The following SLCO1B3 variants were observed in gnomAD, a reference collection of about 807,000 sequenced individuals.
SLCO1B3 encodes the protein solute carrier organic anion transporter family member 1B3, also known as liver-specific organic anion transporter 2.
Under a neutral mutation model 71.8 loss-of-function variants are expected in SLCO1B3, and 72 were observed. The ratio of observed to expected loss-of-function variants is 1.00; its 90% CI spans 0.83 to 1.22. SLCO1B3 has a LOEUF of 1.22. Ranked by LOEUF, SLCO1B3 falls within the 50% of genes most tolerant of loss-of-function variation. SLCO1B3 has a pLI of 0.00. For missense variants in SLCO1B3, 911 were observed against 819.7 expected (o/e 1.11, Z -1.36); for synonymous variants, 298 against 278.4 (o/e 1.07, Z -0.70).
chr12:20,857,298 C>T (rs371260970), intron 4 of SLCO1B3, among the ~76,000 whole-genome samples: 2 of 151,996 alleles, frequency 1.3e-5, no homozygotes, highest in Non-Finnish European at 2.9e-5. Context: ...TGAAAGCTTA[C>T]GTCTTCCTCT....
chr12:20,839,941 T>C (rs1311623412), intron 3 of SLCO1B3, among the ~76,000 whole-genome samples: 1 of 152,220 alleles, frequency 6.6e-6, no homozygotes, highest in East Asian at 1.9e-4. Context: ...CCAAGTATAC[T>C]AATATGCTTG....
rs374398073 is a variant in SLCO1B3, at chr12:20,822,592, C to A, written c.84+6770C>A. 1.1e-3 allele frequency among the ~76,000 whole-genome samples: 162 copies of A among 152,230 alleles called. 4 individuals are homozygous for A. The South Asian group carries it at 0.033, about 31-fold the overall frequency. On this transcript the variant is annotated intron_variant, in intron 3 of 15. Coordinates refer to ENST00000381545, the MANE Select transcript of SLCO1B3 (RefSeq NM_019844.4). ...GTGCAAGTCACAGGGGATGGGATGG[C>A]TTGGCTTGGGCTCAGAGACCTGACA...
At chr12:20,820,966 G>C (rs1358504928) in intron 3 of SLCO1B3, among the ~76,000 whole-genome samples, 3 of 152,178 alleles carry the variant, frequency 2.0e-5, no homozygotes. Context: ...AGCCGGATCA[G>C]GTGTGAGGAG....
At chr12:20,835,874 G>A (rs4346016) in intron 3 of SLCO1B3, among the ~76,000 whole-genome samples, 2,835 of 152,168 alleles carry the variant, frequency 0.019, 97 homozygotes, top group African/African-American at 0.065. Context: ...ATGCCCCTCA[G>A]TACCAATTTA....
chr12:20,890,317 A>C (rs1865879587), intron 13 of SLCO1B3, among the ~76,000 whole-genome samples: 1 of 152,184 alleles, frequency 6.6e-6, no homozygotes, highest in South Asian at 2.1e-4. Flanking sequence ...TGTAGTATTG[A>C]GAATTCTTCT....
At chr12:20,897,587 G>A (rs1591787730) in intron 13 of SLCO1B3, among the ~76,000 whole-genome samples, 1 of 152,102 alleles carries the variant, frequency 6.6e-6, no homozygotes, top group Non-Finnish European at 1.5e-5. Flanking sequence ...CTCTTAGTAG[G>A]TGCTTAGTGA....
intron 1 of SLCO1B3, among the ~76,000 whole-genome samples, chr12:20,813,278 A>G (rs540818615): frequency 2.0e-5 from 3 of 152,358 alleles, no homozygotes; most frequent in South Asian, 4.1e-4. Context: ...TGCATAAAAT[A>G]TGCAGTAGAT....
At chr12:20,834,167 C>CCATA (rs1555152350) in intron 3 of SLCO1B3, among the ~76,000 whole-genome samples, 5 of 144,312 alleles carry the variant, frequency 3.5e-5, no homozygotes, top group African/African-American at 1.0e-4. Flanking sequence ...ATATATCAAA[C>CCATA]TATGTATGTA....
chr12:20,904,238 T>A (rs1221380807), intron 15 of SLCO1B3, among the ~76,000 whole-genome samples: 1 of 143,234 alleles, frequency 7.0e-6, no homozygotes, highest in Admixed American at 7.0e-5. Context: ...AGACTCTGTC[T>A]AAAAAAAAAA....
chr12:20,870,854 T>C (rs190220061), intron 8 of SLCO1B3, among the ~76,000 whole-genome samples: 1 of 152,342 alleles, frequency 6.6e-6, no homozygotes, highest in African/African-American at 2.4e-5. Flanking sequence ...TGAGTAGGTA[T>C]GTTCCTTCTA....
Position 20,916,316 on chromosome 12 carries a change from C to T in SLCO1B3, c.*69C>T, listed in dbSNP as rs538738277. On this transcript the variant is annotated 3_prime_UTR_variant, in exon 16 of 16. Coordinates refer to ENST00000381545, the MANE Select transcript of SLCO1B3 (RefSeq NM_019844.4). ...GTCTTTCACTGACAATTCCAACATT[C>T]TTTACTTACAGTGGACCAATGGATA... The T allele has an allele frequency of 6.9e-7, 1 of 1,456,874 alleles. No homozygotes were observed. Among genetic ancestry groups the T allele is most frequent in the East Asian group, 2.3e-5 (1 of 43,948 alleles). 90.2% of individuals were successfully genotyped at this position (1,456,874 alleles called of 1,614,324 possible). A position where few individuals can be genotyped will look rare whatever the true frequency, so the allele number is the denominator to read the frequency against.
At chr12:20,869,313 C>G (rs1865434752) in intron 8 of SLCO1B3, among the ~76,000 whole-genome samples, 1 of 152,214 alleles carries the variant, frequency 6.6e-6, no homozygotes, top group African/African-American at 2.4e-5. Context: ...AAGGCTCGCA[C>G]TCTTGTCTTT....
In SLCO1B3 at chr12:20,861,100, TATC is replaced by T. The variant is rs776456205; in HGVS notation, c.446_448del (p.Ser149del). The T allele has an allele frequency of 6.0e-4, 966 of 1,601,826 alleles. 1 individual carries two copies. Among genetic ancestry groups the T allele is most frequent in the Non-Finnish European group, 7.7e-4 (899 of 1,173,718 alleles). On this transcript the variant is annotated inframe_deletion, in exon 6 of 16. Transcript: ENST00000381545. ...TCAACCTGTTTAATTAATCAAACCT[TATC>T]ATTCAATGGAACATCACCTGAGATA...
At chr12:20,839,094 T>A (rs1483435526) in intron 3 of SLCO1B3, among the ~76,000 whole-genome samples, 3 of 152,056 alleles carry the variant, frequency 2.0e-5, no homozygotes, top group African/African-American at 4.8e-5. Context: ...TTTTTATTCT[T>A]CTCTCCCGTT....
At chr12:20,832,665 A>G (rs1206222456) in intron 3 of SLCO1B3, among the ~76,000 whole-genome samples, 3 of 151,936 alleles carry the variant, frequency 2.0e-5, no homozygotes, top group Non-Finnish European at 2.9e-5. Flanking sequence ...CTGTTTCTCA[A>G]ACATGCCAAG....
intron 13 of SLCO1B3, among the ~76,000 whole-genome samples, chr12:20,892,175 A>G (rs1479812465): frequency 4.6e-5 from 7 of 152,062 alleles, no homozygotes; most frequent in African/African-American, 1.7e-4. Flanking sequence ...TCTAACTTAG[A>G]TAGGCTATCT....
intron 10 of SLCO1B3, 26 bp from the exon 11 acceptor site, chr12:20,879,410 G>T: frequency 6.7e-6 from 10 of 1,487,186 alleles, no homozygotes; most frequent in Non-Finnish European, 9.3e-6. Context: ...TATAATTATA[G>T]CTTTTTTCTC....
In SLCO1B3 at chr12:20,861,124, A is replaced by G. The variant is rs745556617; in HGVS notation, c.467A>G (p.Glu156Gly). The change falls in exon 6 of 16, where the codon GAG (glutamate) becomes GGG (glycine). Residue 156 changes from glutamate to glycine, a missense_variant. Glu to Gly is a moderately conservative substitution (Grantham distance 98, BLOSUM62 -2). Coordinates refer to ENST00000381545, the MANE Select transcript of SLCO1B3 (RefSeq NM_019844.4). ...TTATCATTCAATGGAACATCACCTG[A>G]GATAGTAGAAAAAGGTAAGAATTAA... ...QTLSFNGTSP[E>G]IVEKDCVKES... 1 of 1,585,018 alleles carries G rather than the reference A, an allele frequency of 6.3e-7. No homozygotes were observed. Among genetic ancestry groups the G allele is most frequent in the Admixed American group, 1.9e-5 (1 of 53,052 alleles).
chr12:20,909,550 C>A (rs1388226185), intron 15 of SLCO1B3, among the ~76,000 whole-genome samples: 1 of 151,980 alleles, frequency 6.6e-6, no homozygotes, highest in Non-Finnish European at 1.5e-5. Context: ...CTTTGGCCTA[C>A]TTTTTAACTG....
Sources: allele counts gnomAD v4.1 joint callset (sites outside exome capture counted in the v4.1 genomes callset), GRCh38; gene constraint gnomAD v4.1.1; transcripts MANE v1.5; gene names NCBI Gene and HGNC (gene_info 2026-07-23, HGNC 2026-07-21).